The following RAB3GAP1 variants were observed in gnomAD, a reference collection of about 807,000 sequenced individuals.
RAB3GAP1 encodes the protein rab3 GTPase-activating protein catalytic subunit.
In RAB3GAP1, 86 loss-of-function variants were observed where a neutral mutation model predicts 130.7. The ratio of observed to expected loss-of-function variants is 0.66; its 90% CI spans 0.55 to 0.79. The LOEUF is 0.79. Among genes scored for constraint, RAB3GAP1 ranks in the 30% least tolerant of loss-of-function variants. The pLI is 0.00. For synonymous variants in RAB3GAP1, 367 were observed against 401.7 expected, an observed-to-expected ratio of 0.91 and a Z score of 1.03; for missense variants, 1,029 against 1,169.4, an observed-to-expected ratio of 0.88 and a Z score of 1.75.
intron 5 of RAB3GAP1, among the ~76,000 whole-genome samples, chr2:135,105,378 C>T (rs967766681): frequency 4.6e-5 from 7 of 151,714 alleles, no homozygotes; most frequent in Admixed American, 6.6e-5. Flanking sequence ...ATTGCAGGCA[C>T]GTGCCACCAC....
At chr2:135,080,309 C>T (rs1295237380) in intron 3 of RAB3GAP1, among the ~76,000 whole-genome samples, 1 of 152,090 alleles carries the variant, frequency 6.6e-6, no homozygotes, top group Non-Finnish European at 1.5e-5. Context: ...TTATAATGAA[C>T]TTCAAGTATA....
Position 135,135,284 on chromosome 2 carries a change from G to C in RAB3GAP1, c.1519G>C (p.Asp507His). The part of the protein sequence containing the change: ...LIPGLASGPP[D>H]LRCCLLHQKL... ...TGATAGATTAGCAAGTGGACCCCCA[G>C]ATCTGAGGTGTTGTTTACTGCATCA... The change falls in exon 16 of 24, where the codon GAT (aspartate) becomes CAT (histidine). Residue 507 changes from aspartate to histidine, a missense_variant. Physicochemically the swap from Asp to His is moderately conservative, Grantham distance 81. Around this residue, in one of 3 missense-constraint regions of RAB3GAP1, gnomAD observed 373 missense variants for 493.6 expected, o/e 0.76. Coordinates refer to ENST00000264158, the MANE Select transcript of RAB3GAP1 (RefSeq NM_012233.3). 1 of 1,610,984 alleles carries C rather than the reference G, an allele frequency of 6.2e-7. No individual in the cohort carries two copies.
At chr2:135,093,584 C>T in intron 4 of RAB3GAP1, 31 bp from the exon 5 acceptor site, 1 of 1,537,380 alleles carries the variant, frequency 6.5e-7, no homozygotes, top group Non-Finnish European at 9.0e-7. Context: ...CATGAACATA[C>T]TAACTTTTTC....
At chr2:135,085,430 A>T (rs1689946322) in intron 3 of RAB3GAP1, among the ~76,000 whole-genome samples, 1 of 152,166 alleles carries the variant, frequency 6.6e-6, no homozygotes, top group African/African-American at 2.4e-5. Flanking sequence ...TTAGGAAGAT[A>T]ACCACGTGGA....
At chr2:135,158,806 A>G (rs529708720) in intron 19 of RAB3GAP1, among the ~76,000 whole-genome samples, 1 of 152,330 alleles carries the variant, frequency 6.6e-6, no homozygotes, top group South Asian at 2.1e-4. Context: ...TGAGGAGTAA[A>G]TGGAGATCGT....
In RAB3GAP1 at chr2:135,115,243, C is replaced by T. The variant is rs200315019; in HGVS notation, c.510C>T (p.His170=). ...AGGTGCCACTCTTTGTGCAAATTCA[C>T]CACAAATGGCGAAGAATGTATGTAG... is the stretch of plus-strand genomic sequence containing the variant. ...GCQVPLFVQI[H]HKWRRMYVGE... Residue 170 remains histidine (H), a synonymous_variant, in exon 7 of 24, where the codon CAC becomes CAT. Transcript: ENST00000264158. 8.1e-6 allele frequency: 13 copies of T among 1,612,084 alleles called. No homozygotes were observed. In the African/African-American group the frequency reaches 1.2e-4, roughly 15 times the overall value.
intron 17 of RAB3GAP1, among the ~76,000 whole-genome samples, chr2:135,138,083 T>C (rs1691727056): frequency 6.6e-6 from 1 of 151,816 alleles, no homozygotes; most frequent in African/African-American, 2.4e-5. Context: ...TGCCTCAGCC[T>C]CCCAAAGTGC....
rs894211282 is a variant in RAB3GAP1 at position 135,150,642 on chromosome 2, C to G, written c.2061+136C>G. On this transcript the variant is annotated intron_variant, in intron 18 of 23. Coordinates refer to ENST00000264158, the MANE Select transcript of RAB3GAP1 (RefSeq NM_012233.3). ...TTTGGATTTCATTAGTAGTTCAACA[C>G]TCTGCCACCATCCCCCCAGAGGACA... is the stretch of plus-strand genomic sequence containing the variant. 8.6e-5 allele frequency: 96 copies of G among 1,118,988 alleles called. No individual in the cohort carries two copies. The Middle Eastern group carries it at 2.5e-3, about 30-fold the overall frequency. 69.3% of individuals were successfully genotyped at this position (1,118,988 alleles called of 1,614,324 possible). A position where few individuals can be genotyped will look rare whatever the true frequency, so the allele number is the denominator to read the frequency against.
At chr2:135,081,325 AAAATATATAT>A (rs1689796775) in intron 3 of RAB3GAP1, among the ~76,000 whole-genome samples, 1 of 78,020 alleles carries the variant, frequency 1.3e-5, no homozygotes, top group South Asian at 7.5e-4. Context: ...AAAAAAAAAA[AAAATATATAT>A]ATATATATAT....
chr2:135,080,072 G>A (rs542733820), intron 3 of RAB3GAP1, among the ~76,000 whole-genome samples: 17 of 137,266 alleles, frequency 1.2e-4, no homozygotes, highest in Non-Finnish European at 2.1e-4. Context: ...AGCGGAGATC[G>A]CACCACAGCA....
intron 17 of RAB3GAP1, among the ~76,000 whole-genome samples, chr2:135,142,674 T>G (rs1181998622): frequency 6.6e-6 from 1 of 152,084 alleles, no homozygotes; most frequent in African/African-American, 2.4e-5. Context: ...ATTCCTAGTT[T>G]GCTTAGAGTT....
At chr2:135,078,693 CCCTCCCCTCCCCTCTCCTT>C (rs1399630566) in intron 3 of RAB3GAP1, among the ~76,000 whole-genome samples, 16 of 81,900 alleles carry the variant, frequency 2.0e-4, no homozygotes, top group African/African-American at 9.8e-4. Flanking sequence ...CCCTCCCCTG[CCCTCCCCTCCCCTCTCCTT>C]TCCTTTCCTT....
In RAB3GAP1 at chr2:135,135,350, T is replaced by TG. The variant is rs771468060; in HGVS notation, c.1554+33dup. On this transcript the variant is annotated intron_variant, in intron 16 of 23. Transcript: ENST00000264158. Reference sequence around the variant, plus strand: ...GATTTCTCAATGACATGGATAAATGTGGTCTTGATTTAATCAGATTATTCT... The same window carrying TG: ...GATTTCTCAATGACATGGATAAATGTGGGTCTTGATTTAATCAGATTATTCT... 18 of 1,556,324 alleles carry TG rather than the reference T, an allele frequency of 1.2e-5. No homozygotes were observed. In the East Asian group the frequency reaches 3.8e-4, roughly 33 times the overall value.
At chr2:135,117,038 A>C (rs1181792850) in intron 7 of RAB3GAP1, among the ~76,000 whole-genome samples, 1 of 152,112 alleles carries the variant, frequency 6.6e-6, no homozygotes, top group Non-Finnish European at 1.5e-5. Flanking sequence ...AATCCCTTTG[A>C]TATTAAAAAA....
At chr2:135,138,253 T>G (rs1691734006) in intron 17 of RAB3GAP1, among the ~76,000 whole-genome samples, 1 of 145,720 alleles carries the variant, frequency 6.9e-6, no homozygotes, top group Non-Finnish European at 1.5e-5. Flanking sequence ...AAGACCAGCC[T>G]GGGCAACATG....
intron 3 of RAB3GAP1, among the ~76,000 whole-genome samples, chr2:135,073,685 C>G (rs188936054): frequency 2.4e-4 from 36 of 152,272 alleles, no homozygotes; most frequent in Admixed American, 9.2e-4. Flanking sequence ...TCTCTTTAGC[C>G]CTGTCCTCCT....
At chr2:135,140,955 C>T (rs565089951) in intron 17 of RAB3GAP1, among the ~76,000 whole-genome samples, 1 of 152,284 alleles carries the variant, frequency 6.6e-6, no homozygotes, top group African/African-American at 2.4e-5. Flanking sequence ...CTTTTCTGCA[C>T]ACTTGATATT....
chr2:135,084,233 G>A (rs1689913821), intron 3 of RAB3GAP1, among the ~76,000 whole-genome samples: 2 of 152,110 alleles, frequency 1.3e-5, no homozygotes, highest in African/African-American at 2.4e-5. Flanking sequence ...CAACAAGAGC[G>A]AAACTCCCTC....
intron 5 of RAB3GAP1, among the ~76,000 whole-genome samples, chr2:135,111,002 T>A (rs1354839337): frequency 6.6e-6 from 1 of 152,192 alleles, no homozygotes; most frequent in East Asian, 1.9e-4. Context: ...TTTTCAAAGA[T>A]CTTTAGAGCT....
Sources: allele counts gnomAD v4.1 joint callset (sites outside exome capture counted in the v4.1 genomes callset), GRCh38; gene constraint gnomAD v4.1.1; regional missense constraint gnomAD v4.1.1; transcripts MANE v1.5; gene names NCBI Gene and HGNC (gene_info 2026-07-23, HGNC 2026-07-21).